ANO3: variants seen among roughly 807,000 people sequenced by gnomAD.
The protein encoded by ANO3 is anoctamin-3.
Under a neutral mutation model 144.8 loss-of-function variants are expected in ANO3, and 99 were observed. The observed-to-expected ratio is 0.68, with a 90% CI of 0.58 to 0.81. The LOEUF is 0.81. ANO3 is among the 30% of genes least tolerant of loss of function. ANO3 has a pLI of 0.00. For missense variants in ANO3, 905 were observed against 1,202.2 expected (o/e 0.75, Z 3.66); for synonymous variants, 414 against 392.6 (o/e 1.05, Z -0.64).
At chr11:26,534,785 A>C (rs1849462863) in intron 9 of ANO3, among the ~76,000 whole-genome samples, 1 of 152,214 alleles carries the variant, frequency 6.6e-6, no homozygotes, top group African/African-American at 2.4e-5. Flanking sequence ...GAAATGTGAA[A>C]ACACTTTGAA....
intron 25 of ANO3, 23 bp downstream of exon 25, chr11:26,656,228 C>T: frequency 6.3e-7 from 1 of 1,595,002 alleles, no homozygotes; most frequent in South Asian, 1.1e-5. Context: ...GTTATCTTTC[C>T]TGCTTGCTTT....
intron 6 of ANO3, among the ~76,000 whole-genome samples, chr11:26,523,912 A>T (rs903170116): frequency 6.6e-6 from 1 of 152,206 alleles, no homozygotes; most frequent in African/African-American, 2.4e-5. Context: ...TTACAGTTGT[A>T]AACATTATCT....
intron 1 of ANO3, among the ~76,000 whole-genome samples, chr11:26,250,560 G>T (rs1363124825): frequency 6.6e-6 from 1 of 152,102 alleles, no homozygotes. Flanking sequence ...ATTCATCACT[G>T]CCCTGCTTCT....
At chr11:26,532,547 A>C (rs964360097) in intron 8 of ANO3, among the ~76,000 whole-genome samples, 1 of 152,156 alleles carries the variant, frequency 6.6e-6, no homozygotes, top group Non-Finnish European at 1.5e-5. Flanking sequence ...CTATGTGGGC[A>C]TAGATGCCAT....
chr11:26,289,286 A>G (rs564489362), intron 1 of ANO3, among the ~76,000 whole-genome samples: 3 of 151,938 alleles, frequency 2.0e-5, no homozygotes, highest in Admixed American at 6.6e-5. Context: ...TTATTAAGCA[A>G]CTAACTTCAT....
intron 1 of ANO3, among the ~76,000 whole-genome samples, chr11:26,357,258 A>G (rs1337674835): frequency 6.6e-6 from 1 of 152,180 alleles, no homozygotes. Flanking sequence ...GAATGACTGG[A>G]TTATATTCTA....
intron 1 of ANO3, among the ~76,000 whole-genome samples, chr11:26,414,756 GT>G (rs200192909): frequency 0.23 from 23,583 of 102,738 alleles, 2,231 homozygotes; most frequent in South Asian, 0.36. Flanking sequence ...TTACAGTAAA[GT>G]TAAAAAAAAA....
intron 1 of ANO3, among the ~76,000 whole-genome samples, chr11:26,223,773 A>G (rs920297573): frequency 1.3e-5 from 2 of 151,808 alleles, no homozygotes; most frequent in Admixed American, 1.3e-4. Flanking sequence ...AGGAGCAGCA[A>G]TATTCATGGC....
chr11:26,344,155 G>A (rs904429689), intron 1 of ANO3, among the ~76,000 whole-genome samples: 1 of 152,060 alleles, frequency 6.6e-6, no homozygotes, highest in African/African-American at 2.4e-5. Flanking sequence ...AAATAATAGA[G>A]AGCAATATTA....
intron 4 of ANO3, among the ~76,000 whole-genome samples, chr11:26,486,137 G>T (rs746741762): frequency 1.3e-5 from 2 of 152,100 alleles, no homozygotes; most frequent in Non-Finnish European, 2.9e-5. Flanking sequence ...GCCAAGGCAG[G>T]TGATCATGAG....
intron 1 of ANO3, among the ~76,000 whole-genome samples, chr11:26,233,495 G>A (rs1852448237): frequency 6.6e-6 from 1 of 152,184 alleles, no homozygotes; most frequent in Admixed American, 6.5e-5. Flanking sequence ...CTGTTGATGT[G>A]AGTGTAAATT....
chr11:26,284,296 C>T (rs1370852084), intron 1 of ANO3, among the ~76,000 whole-genome samples: 1 of 152,006 alleles, frequency 6.6e-6, no homozygotes, highest in Non-Finnish European at 1.5e-5. Context: ...GATTAAGTGC[C>T]GATATGGAGT....
chr11:26,649,666 G>T (rs1323361585), intron 24 of ANO3, among the ~76,000 whole-genome samples: 1 of 152,094 alleles, frequency 6.6e-6, no homozygotes, highest in East Asian at 1.9e-4. Flanking sequence ...GAACCCGAGA[G>T]GCGGAGGTTG....
intron 12 of ANO3, 142 bp from the exon 13 acceptor site, chr11:26,553,107 C>A: frequency 1.6e-6 from 1 of 622,456 alleles, no homozygotes; most frequent in Admixed American, 2.4e-5. Context: ...ACAGTGCCCA[C>A]CACTCCCCAC....
At chr11:26,425,036 C>T (rs567108991) in intron 1 of ANO3, among the ~76,000 whole-genome samples, 6 of 151,822 alleles carry the variant, frequency 4.0e-5, no homozygotes, top group South Asian at 2.1e-4. Context: ...ATCCCTCCCC[C>T]CCACCCCACA....
intron 4 of ANO3, among the ~76,000 whole-genome samples, chr11:26,500,362 C>T (rs545316435): frequency 5.9e-5 from 9 of 152,050 alleles, no homozygotes; most frequent in African/African-American, 1.9e-4. Flanking sequence ...ATGTTTAATA[C>T]TATAAGAAAT....
intron 1 of ANO3, among the ~76,000 whole-genome samples, chr11:26,235,127 T>A (rs1417399982): frequency 1.3e-5 from 2 of 152,160 alleles, no homozygotes; most frequent in Non-Finnish European, 2.9e-5. Context: ...GAGGTCCATA[T>A]ACTTTACTCA....
At position 26,267,588 on chromosome 11, in the gene ANO3, AAG is replaced by A. The variant is rs529077172; in HGVS notation, c.155-42052_155-42051del. ...GACTTTAAAAATATCACTATCAGCT[AAG>A]AGAGTGTGAAACATTTATTGAGGAC... On this transcript the variant is annotated intron_variant, in intron 1 of 27. Transcript: ENST00000672621. 5.3e-5 allele frequency among the ~76,000 whole-genome samples: 8 copies of A among 152,348 alleles called. No homozygotes were observed. The South Asian group carries it at 1.7e-3, about 32-fold the overall frequency.
chr11:26,226,350 TA>T (rs985060286), intron 1 of ANO3, among the ~76,000 whole-genome samples: 2 of 152,122 alleles, frequency 1.3e-5, no homozygotes, highest in African/African-American at 2.4e-5. Flanking sequence ...TTACATTATT[TA>T]AAAAATTTTC....
Sources: gnomAD v4.1 joint callset for allele counts (sites outside exome capture counted in the v4.1 genomes callset) on GRCh38, gnomAD v4.1.1 for gene constraint, MANE v1.5 for transcripts, NCBI Gene and HGNC (gene_info 2026-07-23, HGNC 2026-07-21) for gene names.